Variants in CSPG4 observed in about 807,000 individuals in gnomAD.
CSPG4 encodes chondroitin sulfate proteoglycan 4.
CSPG4 carries 74 observed loss-of-function variants against 139.3 expected under a neutral mutation model. That is an observed-to-expected ratio of 0.53 (90% CI 0.44 to 0.64). The LOEUF is 0.64. CSPG4 is among the 30% of genes least tolerant of loss of function. The probability of loss-of-function intolerance (pLI) is 0.00; values close to 1 mark genes in which losing one functional copy is unlikely to be tolerated. For missense variants in CSPG4, 2,565 were observed against 3,148.3 expected (o/e 0.81, Z 4.43); for synonymous variants, 1,234 against 1,394.2 (o/e 0.89, Z 2.56).
At chr15:75,697,010 G>A (rs905797914) in intron 1 of CSPG4, among the ~76,000 whole-genome samples, 4 of 152,200 alleles carry the variant, frequency 2.6e-5, no homozygotes, top group East Asian at 1.9e-4. Context: ...AGGCTCCGGG[G>A]ACAAGGAGTC....
At position 75,708,037 on chromosome 15, in the gene CSPG4, C is replaced by T. The variant is rs879730609; in HGVS notation, c.88+4631G>A. Among the ~76,000 whole-genome samples the T allele has an allele frequency of 1.9e-3, 290 of 149,480 alleles. 1 individual carries two copies. Among genetic ancestry groups the T allele is most frequent in the Non-Finnish European group, 3.2e-3 (212 of 67,126 alleles). ...ACAAGCAGGCTCCTCTGTCTGAGCC[C>T]GGGTTTCCCCAGGATCCATGGGGGG... On this transcript the variant is annotated intron_variant, in intron 1 of 9. Transcript: ENST00000308508.
chr15:75,707,951 C>G (rs1292761038), intron 1 of CSPG4, among the ~76,000 whole-genome samples: 1 of 151,876 alleles, frequency 6.6e-6, no homozygotes, highest in Non-Finnish European at 1.5e-5. Context: ...CCCCCCAAAC[C>G]AGGGCCAAAG....
chr15:75,684,120 T>C (rs540855849), intron 5 of CSPG4, among the ~76,000 whole-genome samples: 1 of 147,690 alleles, frequency 6.8e-6, no homozygotes, highest in East Asian at 2.1e-4. Context: ...CCGGGGAGGA[T>C]GCACCCCAGA....
At chr15:75,706,293 G>A (rs938049852) in intron 1 of CSPG4, among the ~76,000 whole-genome samples, 5 of 152,188 alleles carry the variant, frequency 3.3e-5, no homozygotes, top group Admixed American at 6.5e-5. Context: ...GCGGGGGAAC[G>A]AGGCACTGTG....
Position 75,675,715 on chromosome 15 carries a change from C to T in CSPG4, c.6804G>A (p.Leu2268=), listed in dbSNP as rs1407449574. 1.9e-6 allele frequency: 3 copies of T among 1,585,654 alleles called. No individual in the cohort carries two copies. The highest frequency in any genetic ancestry group is 2.6e-6 in the Non-Finnish European group (3 of 1,162,792). The part of the protein sequence containing the change: ...QVLTAKPRNG[L]AGDTETFRKV... ...TGCGAAAGGTCTCGGTGTCACCAGC[C>T]AGGCCGTTGCGGGGCTTGGCAGTCA... The change falls in exon 10 of 10, where the codon CTG becomes CTA. Residue 2268 remains leucine, a synonymous_variant. Coordinates refer to ENST00000308508, the MANE Select transcript of CSPG4 (RefSeq NM_001897.5).
intron 1 of CSPG4, among the ~76,000 whole-genome samples, chr15:75,710,930 G>T (rs1209616940): frequency 2.0e-5 from 3 of 152,022 alleles, no homozygotes. Flanking sequence ...AACCCTTGTG[G>T]CATCTCCTTT....
At chr15:75,693,029 C>T in intron 2 of CSPG4, 41 bp downstream of exon 2, 5 of 1,005,264 alleles carry the variant, frequency 5.0e-6, no homozygotes, top group Non-Finnish European at 7.4e-6. Context: ...GAAGGAATCC[C>T]ACCCCGAATC....
intron 1 of CSPG4, among the ~76,000 whole-genome samples, chr15:75,697,382 C>G (rs1894242269): frequency 6.6e-6 from 1 of 152,248 alleles, no homozygotes; most frequent in Non-Finnish European, 1.5e-5. Flanking sequence ...GGTGCTGAGT[C>G]CCACAGCATC....
Position 75,674,788 on chromosome 15 carries a change from G to A in CSPG4, c.*762C>T, listed in dbSNP as rs1192420614. On this transcript the variant is annotated 3_prime_UTR_variant, in exon 10 of 10. Transcript: ENST00000308508. ...AAAGCCACTGACACATGCATGTTTA[G>A]CCCTTGGCCCATCAAGATGGGGCCC... 2.5e-6 allele frequency: 1 copy of A among 398,614 alleles called. No individual in the cohort carries two copies. The highest frequency in any genetic ancestry group is 2.1e-5 in the African/African-American group (1 of 48,628). 24.7% of individuals were successfully genotyped at this position (398,614 alleles called of 1,614,324 possible).
At chr15:75,702,115 C>G (rs1368334106) in intron 1 of CSPG4, among the ~76,000 whole-genome samples, 9 of 152,238 alleles carry the variant, frequency 5.9e-5, no homozygotes, top group African/African-American at 2.2e-4. Flanking sequence ...GCCTCCCTTG[C>G]CTTTGGTGGC....
In CSPG4 at chr15:75,688,785, G is replaced by C; in HGVS notation, c.2280C>G (p.Ala760=). The C allele has an allele frequency of 6.2e-7, 1 of 1,612,880 alleles. No individual in the cohort carries two copies. Among genetic ancestry groups the C allele is most frequent in the South Asian group, 1.1e-5 (1 of 91,078 alleles). Residue 760 remains alanine, a synonymous_variant, in exon 3 of 10, where the codon GCC becomes GCG. Coordinates refer to ENST00000308508, the MANE Select transcript of CSPG4 (RefSeq NM_001897.5). ...TCTCCTGGCCCACCTGCACCTCCAG[G>C]GCCAGGTTCTCCACGGTGTCGTAAG... is the stretch of plus-strand genomic sequence containing the variant. ...HHAYDTVENL[A]LEVQVGQEIL... is the part of the protein sequence containing the mutation.
chr15:75,700,319 C>G lies in CSPG4; in HGVS notation c.89-7086G>C, dbSNP rs145889193. Among the ~76,000 whole-genome samples, 1,186 of 150,080 alleles carry G rather than the reference C, an allele frequency of 7.9e-3. 15 individuals are homozygous for G. The highest frequency in any genetic ancestry group is 0.028 in the African/African-American group (1,113 of 40,270). On this transcript the variant is annotated intron_variant, in intron 1 of 9. Transcript: ENST00000308508. The stretch of plus-strand genomic sequence containing the variant: ...GAGAGCTGGACCCCAGCCTGGGGAA[C>G]ACACACTCTTTCCCTTCCTGTCCCC...
chr15:75,684,539 A>C (rs1345573970), intron 5 of CSPG4, among the ~76,000 whole-genome samples, 197 bp downstream of exon 5: 1 of 152,214 alleles, frequency 6.6e-6, no homozygotes, highest in Non-Finnish European at 1.5e-5. Context: ...TCCAATAAAA[A>C]AACTTCCCAC....
intron 1 of CSPG4, among the ~76,000 whole-genome samples, chr15:75,699,746 G>A (rs987534383): frequency 6.6e-6 from 1 of 152,212 alleles, no homozygotes; most frequent in Non-Finnish European, 1.5e-5. Flanking sequence ...CCTCAATGGT[G>A]TCTTTGTGGA....
intron 1 of CSPG4, among the ~76,000 whole-genome samples, chr15:75,694,414 G>A (rs1894201231): frequency 6.6e-6 from 1 of 152,268 alleles, no homozygotes. Context: ...CAGGGCTGGG[G>A]GGTAGAGAAA....
chr15:75,689,676 C>T lies in CSPG4; in HGVS notation c.1389G>A (p.Leu463=). The change falls in exon 3 of 10, where the codon CTG becomes CTA. Residue 463 remains leucine, a synonymous_variant. Transcript: ENST00000308508. The stretch of plus-strand genomic sequence containing the variant: ...CGCTGAACAGCACCTGGGATTTGCG[C>T]AGCTCAGCCTCCATCAGGTCCAGCG... ...QPTLDLMEAE[L]RKSQVLFSVT... is the part of the protein sequence containing the mutation. 1 of 1,612,944 alleles carries T rather than the reference C, an allele frequency of 6.2e-7. No homozygotes were observed. Among genetic ancestry groups the T allele is most frequent in the Non-Finnish European group, 8.5e-7 (1 of 1,179,868 alleles).
rs1195541291 is a variant in CSPG4 at position 75,688,056 on chromosome 15, T to A, written c.3009A>T (p.Val1003=). The change falls in exon 3 of 10, where the codon GTA becomes GTT. Residue 1003 remains valine (V), a synonymous_variant. Transcript: ENST00000308508. ...ESSGDMAWEE[V]RGVFRVAIQP... Reference sequence around the variant, plus strand: ...GGATGGCCACTCGGAAGACACCCCGTACCTCCTCCCAGGCCATGTCACCAC... The same window carrying A: ...GGATGGCCACTCGGAAGACACCCCGAACCTCCTCCCAGGCCATGTCACCAC... 1 of 1,612,668 alleles carries A rather than the reference T, an allele frequency of 6.2e-7. No homozygotes were observed. Among genetic ancestry groups the A allele is most frequent in the Admixed American group, 1.7e-5 (1 of 60,008 alleles).
In CSPG4 at chr15:75,675,373, T is replaced by C. The variant is rs1893874112; in HGVS notation, c.*177A>G. 2 of 607,780 alleles carry C rather than the reference T, an allele frequency of 3.3e-6. No individual in the cohort carries two copies. The highest frequency in any genetic ancestry group is 8.3e-5 in the Admixed American group (2 of 24,208). The allele number at this position is 607,780 out of a possible 1,614,324, so 37.6% of individuals were successfully genotyped here. ...AGTGAGCTGAGGGAGGTTCCAGCTC[T>C]TGACTCCACTCTGTCCCGGACCCCT... On this transcript the variant is annotated 3_prime_UTR_variant, in exon 10 of 10. Transcript: ENST00000308508.
Position 75,712,831 on chromosome 15 carries a change from G to T in CSPG4, c.-76C>A. 2 of 1,307,594 alleles carry T rather than the reference G, an allele frequency of 1.5e-6. No individual in the cohort carries two copies. Among genetic ancestry groups the T allele is most frequent in the East Asian group, 2.9e-5 (1 of 34,158 alleles). The allele number at this position is 1,307,594 out of a possible 1,614,324, so 81.0% of individuals were successfully genotyped here. A position where few individuals can be genotyped will look rare whatever the true frequency, so the allele number is the denominator to read the frequency against. On this transcript the variant is annotated 5_prime_UTR_variant, in exon 1 of 10. Transcript: ENST00000308508. ...GCTGGGAGCTGAGTGGAGCGAGCGC[G>T]GCTCTGCTCCTGGGCGCGGGCCGGC...
Sources: allele counts gnomAD v4.1 joint callset (sites outside exome capture counted in the v4.1 genomes callset), GRCh38; gene constraint gnomAD v4.1.1; transcripts MANE v1.5; gene names NCBI Gene and HGNC (gene_info 2026-07-23, HGNC 2026-07-21).